The following TMEM150B variants were observed in gnomAD, a reference collection of about 807,000 sequenced individuals.
The protein encoded by TMEM150B is transmembrane protein 150B.
TMEM150B carries 33 observed loss-of-function variants against 25.2 expected under a neutral mutation model. The ratio of observed to expected loss-of-function variants is 1.31; its 90% CI spans 0.99 to 1.75. The LOEUF (loss-of-function observed/expected upper bound fraction) is 1.75. Among genes scored for constraint, TMEM150B ranks in the 40% most tolerant of loss-of-function variants. TMEM150B has a pLI of 0.00. For synonymous variants in TMEM150B, 133 were observed against 134.8 expected (o/e 0.99, Z 0.09); for missense variants, 322 against 306.1 (o/e 1.05, Z -0.39).
chr19:55,319,750 C>T, intron 6 of TMEM150B: 1 of 1,228,942 alleles, frequency 8.1e-7, no homozygotes, highest in Non-Finnish European at 1.0e-6. Context: ...GCGCCTGGAC[C>T]AGTAATTTCA....
At chr19:55,313,150 G>A in intron 7 of TMEM150B, 95 bp from the exon 8 acceptor site, 3 of 1,316,742 alleles carry the variant, frequency 2.3e-6, no homozygotes, top group Non-Finnish European at 3.1e-6. Context: ...GCCGTCTCTG[G>A]GTGTCCCCAT....
Position 55,322,753 on chromosome 19 carries a change from CA to C in TMEM150B, c.-153-11del. On this transcript the variant is annotated splice_polypyrimidine_tract_variant and intron_variant, in intron 1 of 7. Transcript: ENST00000326652. ...GGCTCAGGCAGACATCCTGCAGAGG[CA>C]AAGTCCAGGCTGCAGGACTGCCTGG... 1.0e-6 allele frequency: 1 copy of C among 985,028 alleles called. No individual in the cohort carries two copies. The highest frequency in any genetic ancestry group is 1.2e-6 in the Non-Finnish European group (1 of 829,654). 61.0% of individuals were successfully genotyped at this position (985,028 alleles called of 1,614,324 possible).
chr19:55,320,478 C>G lies in TMEM150B; in HGVS notation c.129-20G>C. 1 of 1,601,936 alleles carries G rather than the reference C, an allele frequency of 6.2e-7. No individual in the cohort carries two copies. Among genetic ancestry groups the G allele is most frequent in the Non-Finnish European group, 8.5e-7 (1 of 1,173,378 alleles). The stretch of plus-strand genomic sequence containing the variant: ...CAGATGCTGGGGAAGACAAAGGGGT[C>G]ATCCTGGGCAATCCAAGCTAGGGCC... On this transcript the variant is annotated intron_variant, in intron 4 of 7. Coordinates refer to ENST00000326652, the MANE Select transcript of TMEM150B (RefSeq NM_001282011.2).
chr19:55,309,617 A>G (rs545689031), downstream of TMEM150B, among the ~76,000 whole-genome samples: 5 of 152,254 alleles, frequency 3.3e-5, no homozygotes, highest in East Asian at 9.7e-4. Flanking sequence ...CCTCTTTCCT[A>G]AGGACACTAA....
intron 7 of TMEM150B, among the ~76,000 whole-genome samples, chr19:55,314,403 GC>G (rs2088926228): frequency 6.6e-6 from 1 of 151,970 alleles, no homozygotes; most frequent in Non-Finnish European, 1.5e-5. Flanking sequence ...CTCAGCCCTG[GC>G]CCTGCCAGCA....
chr19:55,319,985 G>A (rs1174182578), intron 6 of TMEM150B, 54 bp downstream of exon 6: 2 of 1,612,304 alleles, frequency 1.2e-6, no homozygotes, highest in Non-Finnish European at 1.7e-6. Flanking sequence ...CATGCTGGGA[G>A]TTGTAGTTCC....
At chr19:55,318,411 C>T (rs1406277536) in intron 6 of TMEM150B, among the ~76,000 whole-genome samples, 1 of 151,332 alleles carries the variant, frequency 6.6e-6, no homozygotes, top group African/African-American at 2.4e-5. Flanking sequence ...GTGGGTGGCT[C>T]ATTTGAGGTC....
At position 55,325,273 on chromosome 19, in the gene TMEM150B, G is replaced by A. The variant is rs2089303946; in HGVS notation, c.-155C>T. On this transcript the variant is annotated splice_region_variant and 5_prime_UTR_variant, in exon 1 of 8. Coordinates refer to ENST00000326652, the MANE Select transcript of TMEM150B (RefSeq NM_001282011.2). ...AGTTGGGAATTAGGCCCCACTCACC[G>A]GCCACGGGTAGGTTGGGTGTCTGGA... is the stretch of plus-strand genomic sequence containing the variant. The A allele has an allele frequency of 4.1e-6, 4 of 985,098 alleles. No individual in the cohort carries two copies. Among genetic ancestry groups the A allele is most frequent in the African/African-American group, 3.5e-5 (2 of 57,158 alleles). The allele number at this position is 985,098 out of a possible 1,614,324, so 61.0% of individuals were successfully genotyped here.
chr19:55,318,009 A>G (rs1302832761), intron 6 of TMEM150B, among the ~76,000 whole-genome samples: 1 of 152,074 alleles, frequency 6.6e-6, no homozygotes, highest in Non-Finnish European at 1.5e-5. Flanking sequence ...TTTCATGGGA[A>G]GAGGGGAGAA....
chr19:55,313,190 T>G, intron 7 of TMEM150B, 135 bp from the exon 8 acceptor site: 1 of 887,150 alleles, frequency 1.1e-6, no homozygotes, highest in Non-Finnish European at 1.7e-6. Flanking sequence ...CCGTAGCTCC[T>G]CACAGACGGG....
At chr19:55,311,401 C>CT (rs1329197432), downstream of TMEM150B, among the ~76,000 whole-genome samples, 2 of 152,164 alleles carry the variant, frequency 1.3e-5, no homozygotes, top group Non-Finnish European at 2.9e-5. Context: ...GCCTCAGGAC[C>CT]CAGGAGACAG....
intron 6 of TMEM150B, among the ~76,000 whole-genome samples, chr19:55,317,323 T>C (rs2089038969): frequency 6.6e-6 from 1 of 152,180 alleles, no homozygotes; most frequent in Non-Finnish European, 1.5e-5. Flanking sequence ...CACGGATACA[T>C]AGCACATATT....
At chr19:55,311,087 G>A (rs539014796), downstream of TMEM150B, among the ~76,000 whole-genome samples, 104 of 152,190 alleles carry the variant, frequency 6.8e-4, no homozygotes, top group African/African-American at 2.3e-3. Flanking sequence ...TCAGCCTGTC[G>A]AGTAGCTGGG....
chr19:55,314,881 C>G (rs1319500415), intron 7 of TMEM150B, among the ~76,000 whole-genome samples: 1 of 152,210 alleles, frequency 6.6e-6, no homozygotes, highest in African/African-American at 2.4e-5. Flanking sequence ...CTTAATACAA[C>G]CAACACAGGG....
chr19:55,320,774 C>T (rs1188218104), intron 3 of TMEM150B, among the ~76,000 whole-genome samples, 157 bp from the exon 4 acceptor site: 1 of 149,410 alleles, frequency 6.7e-6, no homozygotes. Context: ...ATCCCCCAGC[C>T]CCTCCTCCCT....
At chr19:55,319,466 G>A (rs1244131833) in intron 6 of TMEM150B, 1 of 46,392 alleles carries the variant, frequency 2.2e-5, no homozygotes. Context: ...TTTTTTTTGA[G>A]AGAAGTCTCA....
chr19:55,318,266 T>G (rs546236382), intron 6 of TMEM150B, among the ~76,000 whole-genome samples: 1 of 151,664 alleles, frequency 6.6e-6, no homozygotes, highest in South Asian at 2.1e-4. Flanking sequence ...GAAGCTGAAG[T>G]TAGGAGAATC....
intron 7 of TMEM150B, among the ~76,000 whole-genome samples, chr19:55,315,185 G>A (rs573908232): frequency 6.4e-4 from 97 of 152,002 alleles, no homozygotes; most frequent in African/African-American, 2.2e-3. Flanking sequence ...GTGTGGTGGT[G>A]CATGCCTGTA....
At chr19:55,323,464 C>T (rs2089256563) in intron 1 of TMEM150B, among the ~76,000 whole-genome samples, 1 of 151,104 alleles carries the variant, frequency 6.6e-6, no homozygotes, top group African/African-American at 2.4e-5. Context: ...TGCGACTCAG[C>T]GACATTAGTG....
Sources: allele counts gnomAD v4.1 joint callset (sites outside exome capture counted in the v4.1 genomes callset), GRCh38; gene constraint gnomAD v4.1.1; transcripts MANE v1.5; gene names NCBI Gene and HGNC (gene_info 2026-07-23, HGNC 2026-07-21).